Variants in TENM1 observed in about 807,000 individuals in gnomAD.
TENM1 encodes teneurin-1.
In TENM1, 35 loss-of-function variants were observed where a neutral mutation model predicts 174.8. The observed-to-expected ratio is 0.20, with a 90% confidence interval of 0.15 to 0.27. TENM1 has a LOEUF of 0.27. TENM1 is among the 10% of genes least tolerant of loss of function. The pLI is 1.00. For synonymous variants in TENM1, 781 were observed against 798.7 expected, an observed-to-expected ratio of 0.98 and a Z score of 0.37; for missense variants, 1,633 against 2,130.1, an observed-to-expected ratio of 0.77 and a Z score of 4.59.
At chrX:124,543,183 G>A (rs2048357914) in intron 15 of TENM1, among the ~76,000 whole-genome samples, 2 of 112,485 alleles carry the variant, frequency 1.8e-5, no homozygotes, top group African/African-American at 3.2e-5. Flanking sequence ...CACCTATGCC[G>A]TGCCCATGCA....
At chrX:124,610,829 A>C (rs1364537645) in intron 11 of TENM1, among the ~76,000 whole-genome samples, 1 of 111,761 alleles carries the variant, frequency 8.9e-6, no homozygotes, top group East Asian at 2.8e-4. Context: ...ATATCTAATA[A>C]ATCACTTTAT....
chrX:124,962,518 T>C (rs1378884461), intron 1 of TENM1, among the ~76,000 whole-genome samples: 1 of 112,081 alleles, frequency 8.9e-6, no homozygotes, highest in African/African-American at 3.2e-5. Context: ...AACTTATTCA[T>C]AAAAAAGATA....
the TENM1 span, among the ~76,000 whole-genome samples, chrX:125,017,005 A>G: frequency 8.9e-6 from 1 of 112,183 alleles, no homozygotes; most frequent in Non-Finnish European, 1.9e-5. Context: ...AAAACTGGCT[A>G]GCCATAGGCA....
chrX:124,991,508 CAGAGAGACAG>C, the TENM1 span, among the ~76,000 whole-genome samples: 32 of 106,766 alleles, frequency 3.0e-4, no homozygotes, highest in East Asian at 2.1e-3. Flanking sequence ...CAGAGAGAGA[CAGAGAGACAG>C]AGAGAGACAG....
At chrX:124,773,004 T>C (rs1485820946) in intron 3 of TENM1, among the ~76,000 whole-genome samples, 1 of 112,115 alleles carries the variant, frequency 8.9e-6, no homozygotes, top group African/African-American at 3.2e-5. Context: ...ATTTCCTCAC[T>C]GTTTCTCAGT....
At chrX:124,696,851 C>T in intron 5 of TENM1, among the ~76,000 whole-genome samples, 1 of 110,984 alleles carries the variant, frequency 9.0e-6, no homozygotes, top group Middle Eastern at 4.7e-3. Flanking sequence ...TTAATGAAAC[C>T]TATGACTACC....
At chrX:124,945,445 G>A (rs1167861041) in intron 1 of TENM1, among the ~76,000 whole-genome samples, 1 of 110,895 alleles carries the variant, frequency 9.0e-6, no homozygotes, top group Non-Finnish European at 1.9e-5. Flanking sequence ...TTGTAGGGGT[G>A]TAAGAGCATA....
intron 21 of TENM1, among the ~76,000 whole-genome samples, chrX:124,483,934 G>T (rs1227629038): frequency 8.9e-6 from 1 of 111,853 alleles, no homozygotes; most frequent in Non-Finnish European, 1.9e-5. Context: ...ATTAAATGAA[G>T]TCCATACTTA....
At chrX:124,819,123 C>T (rs765665212) in intron 3 of TENM1, among the ~76,000 whole-genome samples, 17 of 111,675 alleles carry the variant, frequency 1.5e-4, no homozygotes, top group Non-Finnish European at 3.2e-4. Flanking sequence ...CCACAAATTT[C>T]AGTGTAATTT....
the TENM1 span, among the ~76,000 whole-genome samples, chrX:125,099,612 A>G: frequency 8.9e-6 from 1 of 111,948 alleles, no homozygotes; most frequent in Non-Finnish European, 1.9e-5. Context: ...AGCTTCCAGT[A>G]AACTGAATGC....
the TENM1 span, among the ~76,000 whole-genome samples, chrX:125,137,847 C>T: frequency 9.0e-6 from 1 of 111,046 alleles, no homozygotes; most frequent in Admixed American, 9.6e-5. Flanking sequence ...TTACTTGATG[C>T]CATATTTATT....
intron 15 of TENM1, among the ~76,000 whole-genome samples, chrX:124,545,022 A>G (rs2048399071): frequency 8.9e-6 from 1 of 112,291 alleles, no homozygotes; most frequent in Non-Finnish European, 1.9e-5. Context: ...TTGCCCAAAG[A>G]TATCCCAAAT....
chrX:124,762,017 A>T (rs1174449273), intron 3 of TENM1, among the ~76,000 whole-genome samples: 1 of 112,194 alleles, frequency 8.9e-6, no homozygotes, highest in African/African-American at 3.2e-5. Context: ...GGTCTTTTAC[A>T]ATTGATTTGA....
intron 3 of TENM1, among the ~76,000 whole-genome samples, chrX:124,807,316 AC>A (rs1173441852): frequency 1.8e-5 from 2 of 112,034 alleles, no homozygotes; most frequent in African/African-American, 6.5e-5. Flanking sequence ...ATATATGCAA[AC>A]TGCTGAAGTA....
intron 3 of TENM1, among the ~76,000 whole-genome samples, chrX:124,777,602 T>A (rs2054814915): frequency 8.9e-6 from 1 of 112,073 alleles, no homozygotes; most frequent in African/African-American, 3.2e-5. Context: ...TTTTATTCAA[T>A]TCCATTTTAT....
At chrX:124,804,768 A>T (rs938036729) in intron 3 of TENM1, among the ~76,000 whole-genome samples, 1 of 111,874 alleles carries the variant, frequency 8.9e-6, no homozygotes, top group Non-Finnish European at 1.9e-5. Context: ...AAAGTTTGAC[A>T]CTGCTATTCT....
chrX:124,388,220 G>A (rs974543511), intron 28 of TENM1, among the ~76,000 whole-genome samples: 1 of 111,153 alleles, frequency 9.0e-6, no homozygotes, highest in Non-Finnish European at 1.9e-5. Context: ...CAGCCTGCCT[G>A]GGCCATGCCT....
intron 5 of TENM1, among the ~76,000 whole-genome samples, chrX:124,677,297 AT>A (rs2148446745): frequency 9.0e-6 from 1 of 110,990 alleles, no homozygotes; most frequent in South Asian, 3.8e-4. Flanking sequence ...ACCATACTAT[AT>A]TAAAGATATC....
At chrX:124,854,102 T>C (rs1171863436) in intron 3 of TENM1, among the ~76,000 whole-genome samples, 6 of 110,771 alleles carry the variant, frequency 5.4e-5, no homozygotes, top group African/African-American at 9.8e-5. Flanking sequence ...GCAATGATTA[T>C]TGGCCAGAGA....
Sources: gnomAD v4.1 joint callset for allele counts (sites outside exome capture counted in the v4.1 genomes callset) on GRCh38, gnomAD v4.1.1 for gene constraint, MANE v1.5 for transcripts, NCBI Gene and HGNC (gene_info 2026-07-23, HGNC 2026-07-21) for gene names.